UBL7: variants seen among roughly 807,000 people sequenced by gnomAD.
UBL7 encodes ubiquitin-like protein 7.
UBL7 carries 21 observed loss-of-function variants against 41.7 expected under a neutral mutation model. The ratio of observed to expected loss-of-function variants is 0.50; its 90% CI spans 0.36 to 0.73. The LOEUF is 0.73. Among genes scored for constraint, UBL7 ranks in the 30% least tolerant of loss-of-function variants. The pLI is 0.00. For missense variants in UBL7, 403 were observed against 478.4 expected, an observed-to-expected ratio of 0.84 and a Z score of 1.47; for synonymous variants, 157 against 186.9, an observed-to-expected ratio of 0.84 and a Z score of 1.31.
chr15:74,460,515 T>C (rs1383191733), intron 1 of UBL7, among the ~76,000 whole-genome samples: 1 of 151,078 alleles, frequency 6.6e-6, no homozygotes, highest in Non-Finnish European at 1.5e-5. Flanking sequence ...CAACACAGAT[T>C]CAATAACCTC....
chr15:74,449,451 A>C lies in UBL7; in HGVS notation c.715-98T>G, dbSNP rs746052898. ...GCAATAGTTCTTGGGGAAACTCTTAAGTTCCCAGGTTCAGAAAGGAATCCA... is the reference window on the plus strand; with the variant it reads ...GCAATAGTTCTTGGGGAAACTCTTACGTTCCCAGGTTCAGAAAGGAATCCA... On this transcript the variant is annotated intron_variant, in intron 8 of 10. Transcript: ENST00000395081. 153 of 1,546,678 alleles carry C rather than the reference A, an allele frequency of 9.9e-5. 1 individual carries two copies. The highest frequency in any genetic ancestry group is 2.4e-4 in the Admixed American group (13 of 54,236).
intron 1 of UBL7, chr15:74,459,123 G>T (rs897985668): frequency 2.1e-6 from 1 of 470,512 alleles, no homozygotes; most frequent in Non-Finnish European, 3.9e-6. Context: ...ACATAAAAAC[G>T]CCATCCAATC....
At chr15:74,455,584 C>T (rs913920819) in intron 3 of UBL7, among the ~76,000 whole-genome samples, 2 of 152,082 alleles carry the variant, frequency 1.3e-5, no homozygotes, top group South Asian at 2.1e-4. Flanking sequence ...ATGAGAACAA[C>T]GATAATAACA....
Position 74,446,182 on chromosome 15 carries a change from G to A in UBL7, c.1051C>T (p.Gln351Ter), listed in dbSNP as rs2061182199. 6.2e-7 allele frequency: 1 copy of A among 1,613,974 alleles called. No individual in the cohort carries two copies. The highest frequency in any genetic ancestry group is 1.3e-5 in the African/African-American group (1 of 75,038). ...QLQQLRDMGI[Q>*]DDELSLRALQ... is the part of the protein sequence containing the mutation. ...GCCCGCAGGCTCAGCTCATCGTCCT[G>A]GATGCCCATGTCACGTAGCTGCTGC... Residue 351 changes from glutamine to a stop codon, truncating the protein, a stop_gained, in exon 11 of 11, where the codon CAG becomes TAG. Coordinates refer to ENST00000395081, the MANE Select transcript of UBL7 (RefSeq NM_032907.5). LOFTEE classifies it high-confidence loss of function. The surrounding 1 kb of genome is among the most constrained non-coding windows in gnomAD (Gnocchi z 4.1).
At position 74,449,930 on chromosome 15, in the gene UBL7, G is replaced by A. The variant is rs774303934; in HGVS notation, c.664+6C>T. 34 of 1,608,058 alleles carry A rather than the reference G, an allele frequency of 2.1e-5. No individual in the cohort carries two copies. Among genetic ancestry groups the A allele is most frequent in the African/African-American group, 1.6e-4 (12 of 74,904 alleles). The stretch of plus-strand genomic sequence containing the variant: ...GGGGCCCACATTACACTTTTCAGGC[G>A]CTCACCTGGCATATCCCGGTATGAG... On this transcript the variant is annotated splice_donor_region_variant and intron_variant, in intron 7 of 10. Transcript: ENST00000395081.
At chr15:74,458,646 T>C in intron 2 of UBL7, 38 bp downstream of exon 2, 1 of 1,568,852 alleles carries the variant, frequency 6.4e-7, no homozygotes, top group Non-Finnish European at 8.8e-7. Flanking sequence ...CCAAAAGAGA[T>C]CAGAGCAGCA....
At position 74,458,855 on chromosome 15, in the gene UBL7, C is replaced by A; in HGVS notation, c.13G>T (p.Asp5Tyr). 6.2e-7 allele frequency: 1 copy of A among 1,611,368 alleles called. No homozygotes were observed. Among genetic ancestry groups the A allele is most frequent in the African/African-American group, 1.3e-5 (1 of 75,072 alleles). The change falls in exon 2 of 11, where the codon GAC becomes TAC. Residue 5 changes from aspartate to tyrosine, a missense_variant. Coordinates refer to ENST00000395081, the MANE Select transcript of UBL7 (RefSeq NM_032907.5). ...GCCAGCTTCACCGCCAGGTGCCAGT[C>A]TGAGAGAGACATCCTCTCTCTTTCG... MSLSDWHLAVKLADQ... is the reference protein window; with the variant it reads MSLSYWHLAVKLADQ...
Position 74,449,284 on chromosome 15 carries a change from C to G in UBL7, c.784G>C (p.Ala262Pro). Reference sequence around the variant, plus strand: ...CTCTGGGTGATGGGCCGGGGCCCAGCAGCTCCACTGTACCCCAGGGAGGCT... The same window carrying G: ...CTCTGGGTGATGGGCCGGGGCCCAGGAGCTCCACTGTACCCCAGGGAGGCT... Reference protein sequence around the residue: ...RPASLGYSGAAGPRPITQSEL... With the variant: ...RPASLGYSGAPGPRPITQSEL... Residue 262 changes from alanine to proline, a missense_variant, in exon 9 of 11, where the codon GCT becomes CCT. Coordinates refer to ENST00000395081, the MANE Select transcript of UBL7 (RefSeq NM_032907.5). The G allele has an allele frequency of 1.2e-6, 2 of 1,613,596 alleles. No individual in the cohort carries two copies. The highest frequency in any genetic ancestry group is 1.7e-6 in the Non-Finnish European group (2 of 1,179,812).
intron 2 of UBL7, 68 bp from the exon 3 acceptor site, chr15:74,456,739 A>G (rs1383962021): frequency 7.1e-6 from 11 of 1,548,384 alleles, no homozygotes; most frequent in Non-Finnish European, 9.7e-6. Context: ...TGTCCCGAGA[A>G]CCTTATTTTG....
intron 2 of UBL7, among the ~76,000 whole-genome samples, chr15:74,456,879 G>A (rs1048735554): frequency 6.6e-6 from 1 of 151,814 alleles, no homozygotes; most frequent in African/African-American, 2.4e-5. Context: ...GCACCATCAC[G>A]GTTCACTGCA....
Position 74,461,128 on chromosome 15 carries a change from G to T in UBL7, c.-121C>A, listed in dbSNP as rs141497383. ...CTCACCCGTCCCGCGGAAGGAACCC[G>T]GCCGCACTGCCGCCGGTGTAAACAC... On this transcript the variant is annotated 5_prime_UTR_variant, in exon 1 of 11. Transcript: ENST00000395081. 112 of 997,152 alleles carry T rather than the reference G, an allele frequency of 1.1e-4. 2 individuals carry two copies. The South Asian group carries it at 3.3e-3, about 29-fold the overall frequency. 61.8% of individuals were successfully genotyped at this position (997,152 alleles called of 1,614,324 possible).
At chr15:74,449,117 T>C in intron 9 of UBL7, 69 bp downstream of exon 9, 1 of 1,488,872 alleles carries the variant, frequency 6.7e-7, no homozygotes, top group Non-Finnish European at 8.9e-7. Context: ...CAAAGGCAAA[T>C]CTACTCTACT....
Position 74,461,105 on chromosome 15 carries a change from C to G in UBL7, c.-98G>C. 1 of 998,274 alleles carries G rather than the reference C, an allele frequency of 1.0e-6. No homozygotes were observed. The allele number at this position is 998,274 out of a possible 1,614,324, so 61.8% of individuals were successfully genotyped here. ...GCGCTGCCCAGGGCCCCAGCGCCCTCACCCGTCCCGCGGAAGGAACCCGGC... is the reference window on the plus strand; with the variant it reads ...GCGCTGCCCAGGGCCCCAGCGCCCTGACCCGTCCCGCGGAAGGAACCCGGC... On this transcript the variant is annotated 5_prime_UTR_variant, in exon 1 of 11. Coordinates refer to ENST00000395081, the MANE Select transcript of UBL7 (RefSeq NM_032907.5).
In UBL7 at chr15:74,450,217, TTTA is replaced by T. The variant is rs1567088227; in HGVS notation, c.531-151_531-149del. 6 of 1,037,716 alleles carry T rather than the reference TTTA, an allele frequency of 5.8e-6. No individual in the cohort carries two copies. In the East Asian group the frequency reaches 8.1e-5, roughly 14 times the overall value. 64.3% of individuals were successfully genotyped at this position (1,037,716 alleles called of 1,614,324 possible). A position where few individuals can be genotyped will look rare whatever the true frequency, so the allele number is the denominator to read the frequency against. On this transcript the variant is annotated intron_variant, in intron 6 of 10. Coordinates refer to ENST00000395081, the MANE Select transcript of UBL7 (RefSeq NM_032907.5). ...TCTTTAGCATCTTCCACCAGGAAGC[TTTA>T]TCCTCCTGCTGATCTGCCCCCAGCA... is the stretch of plus-strand genomic sequence containing the variant.
chr15:74,458,905 GA>G lies in UBL7; in HGVS notation c.-29-10del, dbSNP rs770553209. The G allele has an allele frequency of 3.7e-6, 6 of 1,601,476 alleles. No homozygotes were observed. The Admixed American group carries it at 5.0e-5, about 13-fold the overall frequency. Reference sequence around the variant, plus strand: ...GCGCTCTCTCTTTCTCCCTGTAAAAGAACAAAACCTCAGTGGTTAAAAGACA... The same window carrying G: ...GCGCTCTCTCTTTCTCCCTGTAAAAGACAAAACCTCAGTGGTTAAAAGACA... On this transcript the variant is annotated splice_polypyrimidine_tract_variant and intron_variant, in intron 1 of 10. Coordinates refer to ENST00000395081, the MANE Select transcript of UBL7 (RefSeq NM_032907.5).
intron 2 of UBL7, among the ~76,000 whole-genome samples, chr15:74,457,012 T>C (rs917399974): frequency 1.3e-5 from 2 of 152,198 alleles, no homozygotes; most frequent in Non-Finnish European, 2.9e-5. Flanking sequence ...GGTTTTGCCA[T>C]GTTGCCTAGA....
In UBL7 at chr15:74,452,314, G is replaced by A. The variant is rs756225954; in HGVS notation, c.369C>T (p.Ser123=). The A allele has an allele frequency of 5.1e-6, 8 of 1,558,762 alleles. No homozygotes were observed. In the East Asian group the frequency reaches 1.9e-4, roughly 37 times the overall value. Residue 123 remains serine, a synonymous_variant, in exon 4 of 11, where the codon AGC becomes AGT. Transcript: ENST00000395081. ...FRVLHTALHS[S]SSYREAVFKM... Reference sequence around the variant, plus strand: ...CACTCACCGCCTCCCTGTAAGAGGAGCTGCTGTGCAGGGCAGTGTGCAACA... The same window carrying A: ...CACTCACCGCCTCCCTGTAAGAGGAACTGCTGTGCAGGGCAGTGTGCAACA...
At chr15:74,459,839 C>T (rs2141331087) in intron 1 of UBL7, among the ~76,000 whole-genome samples, 1 of 146,974 alleles carries the variant, frequency 6.8e-6, no homozygotes, top group South Asian at 2.2e-4. Flanking sequence ...GTAGTGCGCA[C>T]CTGTAGTGCC....
rs1281208643 is a variant in UBL7 at position 74,459,481 on chromosome 15, T to G, written c.-29-585A>C. On this transcript the variant is annotated intron_variant, in intron 1 of 10. Coordinates refer to ENST00000395081, the MANE Select transcript of UBL7 (RefSeq NM_032907.5). ...CCGCCACGACGCCAGGCTAATTTTT[T>G]TTTTTTTTTGTACTTTTAGTAGAGA... Among the ~76,000 whole-genome samples, 6 of 151,032 alleles carry G rather than the reference T, an allele frequency of 4.0e-5. No homozygotes were observed. The East Asian group carries it at 1.2e-3, about 29-fold the overall frequency.
Sources: allele counts gnomAD v4.1 joint callset (sites outside exome capture counted in the v4.1 genomes callset), GRCh38; gene constraint gnomAD v4.1.1; non-coding constraint Gnocchi (gnomAD v3.1); transcripts MANE v1.5; gene names NCBI Gene and HGNC (gene_info 2026-07-23, HGNC 2026-07-21).